The following PPEF1 variants were observed in gnomAD, a reference collection of about 807,000 sequenced individuals.
The protein encoded by PPEF1 is serine/threonine-protein phosphatase with EF-hands 1.
Under a neutral mutation model 53.3 loss-of-function variants are expected in PPEF1, and 12 were observed. The observed-to-expected ratio is 0.23, with a 90% CI of 0.14 to 0.36. The LOEUF is 0.36. Among genes scored for constraint, PPEF1 ranks in the 10% least tolerant of loss-of-function variants. PPEF1 has a pLI of 1.00. For missense variants in PPEF1, 334 were observed against 490.4 expected, an observed-to-expected ratio of 0.68 and a Z score of 3.01; for synonymous variants, 165 against 176.7, an observed-to-expected ratio of 0.93 and a Z score of 0.52.
intron 4 of PPEF1, among the ~76,000 whole-genome samples, chrX:18,696,602 G>A (rs1365452690): frequency 8.9e-6 from 1 of 112,086 alleles, no homozygotes; most frequent in East Asian, 2.8e-4. Flanking sequence ...ACAAGAATAA[G>A]AAAATAGATA....
chrX:18,774,083 T>C (rs2045920954), intron 6 of PPEF1, among the ~76,000 whole-genome samples: 1 of 111,748 alleles, frequency 8.9e-6, no homozygotes, highest in Non-Finnish European at 1.9e-5. Context: ...TGAGGACTTT[T>C]ATTTTTTATT....
intron 1 of PPEF1, among the ~76,000 whole-genome samples, chrX:18,726,862 A>G (rs12833387): frequency 0.39 from 42,928 of 109,726 alleles, 7,773 homozygotes; most frequent in Non-Finnish European, 0.56. Flanking sequence ...GGGTTTCACC[A>G]TGTTAGCCAG....
chrX:18,678,581 T>C (rs1928766712), upstream of PPEF1, among the ~76,000 whole-genome samples: 1 of 112,430 alleles, frequency 8.9e-6, no homozygotes, highest in South Asian at 3.7e-4. Context: ...CCACTGGGAC[T>C]TGTTCCAGCA....
chrX:18,686,625 T>G (rs1457707610), intron 3 of PPEF1, among the ~76,000 whole-genome samples: 2 of 110,822 alleles, frequency 1.8e-5, no homozygotes, highest in African/African-American at 6.6e-5. Flanking sequence ...TGCAAATCAC[T>G]TGGCTAAAAA....
At chrX:18,770,072 G>C (rs148569324) in intron 6 of PPEF1, among the ~76,000 whole-genome samples, 1 of 111,530 alleles carries the variant, frequency 9.0e-6, no homozygotes, top group Non-Finnish European at 1.9e-5. Flanking sequence ...TAATCACCAT[G>C]TCATAGACGG....
intron 3 of PPEF1, among the ~76,000 whole-genome samples, chrX:18,739,173 G>A (rs1199386038): frequency 8.9e-6 from 1 of 112,718 alleles, no homozygotes; most frequent in Non-Finnish European, 1.9e-5. Context: ...TTCCATTGCT[G>A]GCGAGGAGCT....
At chrX:18,675,277 C>T (rs1390762935), upstream of PPEF1, among the ~76,000 whole-genome samples, 1 of 113,598 alleles carries the variant, frequency 8.8e-6, no homozygotes, top group Admixed American at 9.2e-5. Flanking sequence ...CGGAAGTGCA[C>T]CCTGCTCGGG....
intron 3 of PPEF1, among the ~76,000 whole-genome samples, chrX:18,746,380 C>G (rs919679624): frequency 8.9e-6 from 1 of 111,965 alleles, no homozygotes; most frequent in Non-Finnish European, 1.9e-5. Context: ...TATGATTTGA[C>G]GTTGACTAAT....
intron 13 of PPEF1, among the ~76,000 whole-genome samples, chrX:18,820,864 C>G (rs1282551364): frequency 9.0e-6 from 1 of 111,569 alleles, no homozygotes; most frequent in Non-Finnish European, 1.9e-5. Flanking sequence ...ACATATACAA[C>G]TCCGTAACAT....
chrX:18,769,356 CTTAA>C (rs2045831204), intron 6 of PPEF1, among the ~76,000 whole-genome samples: 1 of 112,157 alleles, frequency 8.9e-6, no homozygotes, highest in Non-Finnish European at 1.9e-5. Flanking sequence ...AGCCCTGTTG[CTTAA>C]TTAGAGTGAC....
intron 10 of PPEF1, among the ~76,000 whole-genome samples, chrX:18,790,385 T>A (rs1223397100): frequency 8.9e-6 from 1 of 111,918 alleles, no homozygotes; most frequent in Non-Finnish European, 1.9e-5. Flanking sequence ...AAATACCCTC[T>A]CCCATTCTGT....
chrX:18,773,490 A>C (rs2147554545), intron 6 of PPEF1, among the ~76,000 whole-genome samples: 1 of 112,041 alleles, frequency 8.9e-6, no homozygotes, highest in Admixed American at 9.5e-5. Flanking sequence ...ACAGCCTGGT[A>C]ATCTTGGTAT....
At chrX:18,688,251 G>C (rs1021785742) in intron 3 of PPEF1, among the ~76,000 whole-genome samples, 2 of 111,678 alleles carry the variant, frequency 1.8e-5, no homozygotes, top group Non-Finnish European at 3.8e-5. Context: ...TGGCTCTCTC[G>C]CCTACTTGTT....
At chrX:18,813,418 G>C (rs191255851) in intron 12 of PPEF1, among the ~76,000 whole-genome samples, 1 of 102,992 alleles carries the variant, frequency 9.7e-6, no homozygotes, top group East Asian at 3.1e-4. Context: ...TTTGGATATT[G>C]ATCTTGTACA....
chrX:18,814,343 T>A (rs1177265607), intron 12 of PPEF1, among the ~76,000 whole-genome samples: 4 of 111,748 alleles, frequency 3.6e-5, no homozygotes, highest in African/African-American at 1.3e-4. Flanking sequence ...TTATTTTCCT[T>A]TGGGTATATA....
Position 18,818,036 on chromosome X carries a change from C to T in PPEF1, c.1395-3C>T. ...TTTTACCTAATTATTGTTTTCTTTGCAGAGTGGATACTATGGAAAACAGCG... is the reference window on the plus strand; with the variant it reads ...TTTTACCTAATTATTGTTTTCTTTGTAGAGTGGATACTATGGAAAACAGCG... On this transcript the variant is annotated splice_region_variant and splice_polypyrimidine_tract_variant and intron_variant, in intron 12 of 15. Transcript: ENST00000470157. The T allele has an allele frequency of 8.7e-7, 1 of 1,146,972 alleles. No homozygotes were observed. The highest frequency in any genetic ancestry group is 1.2e-6 in the Non-Finnish European group (1 of 851,999). The allele number at this position is 1,146,972 out of a possible 1,213,427, so 94.5% of individuals were successfully genotyped here. A position where few individuals can be genotyped will look rare whatever the true frequency, so the allele number is the denominator to read the frequency against.
At chrX:18,720,964 C>G (rs907599995) in intron 1 of PPEF1, among the ~76,000 whole-genome samples, 1 of 111,543 alleles carries the variant, frequency 9.0e-6, no homozygotes, top group Non-Finnish European at 1.9e-5. Flanking sequence ...TCATCCTATT[C>G]TCTGATTGCT....
chrX:18,679,214 C>CA (rs921419788), upstream of PPEF1, among the ~76,000 whole-genome samples: 1 of 112,008 alleles, frequency 8.9e-6, no homozygotes, highest in Non-Finnish European at 1.9e-5. Flanking sequence ...CTTGGGATCA[C>CA]AGGCGTGCGC....
chrX:18,806,353 C>T, intron 11 of PPEF1, 50 bp from the exon 12 acceptor site: 1 of 1,141,822 alleles, frequency 8.8e-7, no homozygotes, highest in Non-Finnish European at 1.2e-6. Flanking sequence ...ATTGAATGAC[C>T]TTTTGAGAAC....
Sources: gnomAD v4.1 joint callset for allele counts (sites outside exome capture counted in the v4.1 genomes callset) on GRCh38, gnomAD v4.1.1 for gene constraint, MANE v1.5 for transcripts, NCBI Gene and HGNC (gene_info 2026-07-23, HGNC 2026-07-21) for gene names.